CHN2: variants seen among roughly 807,000 people sequenced by gnomAD.
CHN2 encodes the protein beta-chimaerin.
A neutral mutation model predicts 56.3 loss-of-function variants in CHN2; 35 were observed. That is an observed-to-expected ratio of 0.62 (90% CI 0.47 to 0.82). CHN2 has a LOEUF of 0.82. Ranked by LOEUF, CHN2 falls within the 40% of genes least tolerant of loss-of-function variation. The pLI, the probability that CHN2 is intolerant of heterozygous loss-of-function variation, is 0.00. For missense variants in CHN2, 491 were observed against 580.5 expected, an observed-to-expected ratio of 0.85 and a Z score of 1.58; for synonymous variants, 210 against 212.8, an observed-to-expected ratio of 0.99 and a Z score of 0.12.
At chr7:29,450,301 C>A (rs1278709868) in intron 6 of CHN2, among the ~76,000 whole-genome samples, 2 of 152,160 alleles carry the variant, frequency 1.3e-5, no homozygotes, top group Non-Finnish European at 2.9e-5. Context: ...ATCCCTAGAG[C>A]CAATAACTGT....
At chr7:29,370,845 T>C (rs10267362) in intron 3 of CHN2, among the ~76,000 whole-genome samples, 4,491 of 152,146 alleles carry the variant, frequency 0.03, 232 homozygotes, top group African/African-American at 0.1. Flanking sequence ...GAGTCAAGGG[T>C]ACAGACTGAT....
At chr7:29,229,121 G>A (rs1786465468) in intron 1 of CHN2, among the ~76,000 whole-genome samples, 1 of 152,172 alleles carries the variant, frequency 6.6e-6, no homozygotes, top group African/African-American at 2.4e-5. Context: ...CTTGCAAGAA[G>A]GGTGTTGTTT....
At chr7:29,203,546 TA>T (rs2128771003) in intron 1 of CHN2, among the ~76,000 whole-genome samples, 1 of 152,002 alleles carries the variant, frequency 6.6e-6, no homozygotes, top group African/African-American at 2.4e-5. Flanking sequence ...ACCTGTTTTT[TA>T]AAAATGTGTT....
At chr7:29,443,004 A>G (rs112563949) in intron 6 of CHN2, among the ~76,000 whole-genome samples, 12,674 of 139,696 alleles carry the variant, frequency 0.091, 1,014 homozygotes, top group African/African-American at 0.22. Flanking sequence ...GCAGTGGCGC[A>G]ATCTCGGCTC....
chr7:29,345,989 G>A (rs781373661), intron 1 of CHN2, among the ~76,000 whole-genome samples: 1 of 152,150 alleles, frequency 6.6e-6, no homozygotes, highest in Non-Finnish European at 1.5e-5. Context: ...GAGTTTCATA[G>A]TCAGACTGAC....
At chr7:29,489,473 CATA>C (rs1788410553) in intron 7 of CHN2, among the ~76,000 whole-genome samples, 1 of 152,162 alleles carries the variant, frequency 6.6e-6, no homozygotes, top group Admixed American at 6.5e-5. Context: ...AAAGAGTAGA[CATA>C]ATAAGTAGAA....
chr7:29,481,883 C>G (rs992393606), intron 7 of CHN2, among the ~76,000 whole-genome samples: 3 of 152,074 alleles, frequency 2.0e-5, no homozygotes, highest in Non-Finnish European at 4.4e-5. Flanking sequence ...TTATGCCATA[C>G]TATAATATGT....
At position 29,224,462 on chromosome 7, in the gene CHN2, T is replaced by A. The variant is rs182256340; in HGVS notation, c.49+29472T>A. 1.0e-3 allele frequency among the ~76,000 whole-genome samples: 159 copies of A among 152,334 alleles called. 1 individual carries two copies. The highest frequency in any genetic ancestry group is 3.8e-3 in the African/African-American group (156 of 41,586). ...TGTGTGTTGAATGCTCCGAGCTTAT[T>A]TCTAAATCCTGCTTGGTTTAAGGAA... is the stretch of plus-strand genomic sequence containing the variant. On this transcript the variant is annotated intron_variant, in intron 1 of 12. Coordinates refer to ENST00000222792, the MANE Select transcript of CHN2 (RefSeq NM_004067.4).
chr7:29,420,674 A>G lies in CHN2; in HGVS notation c.576+19846A>G, dbSNP rs951457091. ...GAAGGAAATGGGGAATTGTTCAACA[A>G]GTTTTAGTTTTGCAAGATGAAAAAG... On this transcript the variant is annotated intron_variant, in intron 6 of 12. Transcript: ENST00000222792. 3.9e-5 allele frequency among the ~76,000 whole-genome samples: 6 copies of G among 152,216 alleles called. No individual in the cohort carries two copies. In the East Asian group the frequency reaches 1.2e-3, roughly 29 times the overall value.
intron 2 of CHN2, chr7:29,146,965 G>C: frequency 2.6e-6 from 4 of 1,550,940 alleles, no homozygotes; most frequent in Non-Finnish European, 3.5e-6. Context: ...CTAGCAGTAA[G>C]CTCGCACCAA....
chr7:29,451,804 G>A (rs536090092), intron 6 of CHN2, among the ~76,000 whole-genome samples: 1 of 152,148 alleles, frequency 6.6e-6, no homozygotes, highest in African/African-American at 2.4e-5. Context: ...AATTTAGTTA[G>A]CATCCGAGAC....
intron 2 of CHN2, among the ~76,000 whole-genome samples, chr7:29,165,840 A>C (rs1416217546): frequency 6.6e-6 from 1 of 152,354 alleles, no homozygotes; most frequent in East Asian, 1.9e-4. Flanking sequence ...GGTGAATTAC[A>C]TGGGTTGATT....
At chr7:29,325,356 G>A (rs569383800) in intron 1 of CHN2, among the ~76,000 whole-genome samples, 4 of 152,236 alleles carry the variant, frequency 2.6e-5, no homozygotes, top group Admixed American at 6.5e-5. Flanking sequence ...CATTCATCAC[G>A]CCTTGGGGTC....
chr7:29,266,095 A>T (rs1790118112), intron 1 of CHN2, among the ~76,000 whole-genome samples: 1 of 152,186 alleles, frequency 6.6e-6, no homozygotes, highest in Non-Finnish European at 1.5e-5. Context: ...AATGGCTGTC[A>T]AAGATGTGTG....
At chr7:29,184,151 TGATA>T (rs56102038) in intron 2 of CHN2, among the ~76,000 whole-genome samples, 24,857 of 143,210 alleles carry the variant, frequency 0.17, 2,101 homozygotes, top group East Asian at 0.23. Flanking sequence ...TACAGATAGA[TGATA>T]GATAGATAGA....
chr7:29,327,578 A>G (rs1795906144), intron 1 of CHN2, among the ~76,000 whole-genome samples: 2 of 152,062 alleles, frequency 1.3e-5, no homozygotes, highest in African/African-American at 2.4e-5. Flanking sequence ...CCTTCTTTTT[A>G]CCTTCTGTTT....
chr7:29,463,983 C>A (rs867734414), intron 6 of CHN2, among the ~76,000 whole-genome samples: 2 of 152,188 alleles, frequency 1.3e-5, no homozygotes, highest in South Asian at 4.1e-4. Context: ...GAATGACTCA[C>A]CTCATAGAAG....
At chr7:29,380,735 T>G (rs1800435724) in intron 3 of CHN2, 1 of 152,214 alleles carries the variant, frequency 6.6e-6, no homozygotes, top group South Asian at 2.1e-4. Flanking sequence ...CTCTAGAAAT[T>G]TAACAGCAGC....
chr7:29,349,650 T>C (rs1797724973), intron 1 of CHN2, among the ~76,000 whole-genome samples: 2 of 152,228 alleles, frequency 1.3e-5, no homozygotes, highest in South Asian at 4.1e-4. Flanking sequence ...TAGATTCCCA[T>C]GAATAGAATT....
Sources: gnomAD v4.1 joint callset for allele counts (sites outside exome capture counted in the v4.1 genomes callset) on GRCh38, gnomAD v4.1.1 for gene constraint, MANE v1.5 for transcripts, NCBI Gene and HGNC (gene_info 2026-07-23, HGNC 2026-07-21) for gene names.